RAP1GDS1: variants seen among roughly 807,000 people sequenced by gnomAD.
RAP1GDS1 encodes Rap1 GTPase-GDP dissociation stimulator 1.
RAP1GDS1 carries 35 observed loss-of-function variants against 71.1 expected under a neutral mutation model. The ratio of observed to expected loss-of-function variants is 0.49; its 90% CI spans 0.38 to 0.65. The LOEUF (loss-of-function observed/expected upper bound fraction) is 0.65. Ranked by LOEUF, RAP1GDS1 falls within the 30% of genes least tolerant of loss-of-function variation. The pLI is 0.00. For synonymous variants in RAP1GDS1, 229 were observed against 243.1 expected, an observed-to-expected ratio of 0.94 and a Z score of 0.54; for missense variants, 663 against 706.1, an observed-to-expected ratio of 0.94 and a Z score of 0.69.
At chr4:98,284,897 A>G (rs1725752434) in intron 1 of RAP1GDS1, among the ~76,000 whole-genome samples, 1 of 152,134 alleles carries the variant, frequency 6.6e-6, no homozygotes, top group Non-Finnish European at 1.5e-5. Flanking sequence ...CATGTGAGTG[A>G]ATGAACTGTT....
intron 5 of RAP1GDS1, among the ~76,000 whole-genome samples, chr4:98,384,256 T>G (rs1213327456): frequency 1.3e-5 from 2 of 151,602 alleles, no homozygotes; most frequent in Admixed American, 6.6e-5. Flanking sequence ...AGTTTGTCAC[T>G]TTTTACTCCA....
intron 5 of RAP1GDS1, among the ~76,000 whole-genome samples, chr4:98,385,903 G>A (rs984933348): frequency 6.6e-6 from 1 of 151,580 alleles, no homozygotes; most frequent in Non-Finnish European, 1.5e-5. Context: ...AATTAATTTG[G>A]CATTAGCTTA....
chr4:98,417,517 C>A lies in RAP1GDS1; in HGVS notation c.1039+19C>A. The A allele has an allele frequency of 6.2e-7, 1 of 1,609,126 alleles. No homozygotes were observed. Among genetic ancestry groups the A allele is most frequent in the South Asian group, 1.1e-5 (1 of 90,768 alleles). ...AGAAATGGTAAGCATATTAGTTCCT[C>A]CTTTGTTAGTCAAATACTCTATATT... On this transcript the variant is annotated intron_variant, in intron 9 of 14. Transcript: ENST00000408927.
rs558972709 is a variant in RAP1GDS1, at chr4:98,331,679, A to G, written c.113-11460A>G. Among the ~76,000 whole-genome samples, 13 of 152,312 alleles carry G rather than the reference A, an allele frequency of 8.5e-5. No homozygotes were observed. In the South Asian group the frequency reaches 2.1e-3, roughly 24 times the overall value. On this transcript the variant is annotated intron_variant, in intron 2 of 14. Transcript: ENST00000408927. ...CAATGTTTCTTATTCAATTTATCCAATAACCCTAATCACTTAATATCTCTA... is the reference window on the plus strand; with the variant it reads ...CAATGTTTCTTATTCAATTTATCCAGTAACCCTAATCACTTAATATCTCTA...
In RAP1GDS1 at chr4:98,387,736, G is replaced by T. The variant is rs147301231; in HGVS notation, c.509-4216G>T. ...CTTCGGACATTTATGACATTGTGCT[G>T]TCTAAAGACTGTCTTTCACACATAA... On this transcript the variant is annotated intron_variant, in intron 5 of 14. Coordinates refer to ENST00000408927, the MANE Select transcript of RAP1GDS1 (RefSeq NM_001100427.2). 7.9e-4 allele frequency among the ~76,000 whole-genome samples: 121 copies of T among 152,290 alleles called. 2 individuals are homozygous for T. The East Asian group carries it at 0.018, about 23-fold the overall frequency.
At chr4:98,359,694 A>G (rs1294959845) in intron 4 of RAP1GDS1, among the ~76,000 whole-genome samples, 1 of 152,140 alleles carries the variant, frequency 6.6e-6, no homozygotes, top group Admixed American at 6.6e-5. Context: ...TAGGCTAAGG[A>G]ATTATTTTGA....
intron 1 of RAP1GDS1, among the ~76,000 whole-genome samples, chr4:98,278,056 G>A (rs893728870): frequency 1.3e-5 from 2 of 152,142 alleles, no homozygotes; most frequent in Non-Finnish European, 2.9e-5. Flanking sequence ...GCTACTAAAA[G>A]TACAAAAATT....
intron 2 of RAP1GDS1, among the ~76,000 whole-genome samples, chr4:98,324,545 A>G (rs1239404211): frequency 1.4e-4 from 21 of 146,356 alleles, no homozygotes; most frequent in Non-Finnish European, 5.9e-5. Context: ...AGTAACCAAA[A>G]CAGCATGGTA....
At chr4:98,264,500 A>G (rs559505810) in intron 1 of RAP1GDS1, among the ~76,000 whole-genome samples, 3 of 152,330 alleles carry the variant, frequency 2.0e-5, no homozygotes, top group South Asian at 4.1e-4. Flanking sequence ...TTTTATGTAT[A>G]TGTCATATTT....
At chr4:98,266,638 ATAGATGC>A (rs1485678084) in intron 1 of RAP1GDS1, among the ~76,000 whole-genome samples, 1 of 152,206 alleles carries the variant, frequency 6.6e-6, no homozygotes, top group African/African-American at 2.4e-5. Context: ...TCAAAAAAGC[ATAGATGC>A]TAGCTTGGTA....
At chr4:98,308,224 A>T (rs1729633066) in intron 2 of RAP1GDS1, among the ~76,000 whole-genome samples, 1 of 148,182 alleles carries the variant, frequency 6.7e-6, no homozygotes, top group Admixed American at 6.8e-5. Context: ...AGGTATATAC[A>T]TATATGTGCA....
At position 98,404,578 on chromosome 4, in the gene RAP1GDS1, G is replaced by T; in HGVS notation, c.739G>T (p.Val247Phe). Residue 247 changes from valine to phenylalanine, a missense_variant, in exon 7 of 15, where the codon GTT becomes TTT. Coordinates refer to ENST00000408927, the MANE Select transcript of RAP1GDS1 (RefSeq NM_001100427.2). ...EHDKREMIFE[V>F]LAPLAENDAI... ...TGATAAGAGAGAAATGATTTTTGAAGTTCTTGCTCCATTGGCAGAAAATGG... is the reference window on the plus strand; with the variant it reads ...TGATAAGAGAGAAATGATTTTTGAATTTCTTGCTCCATTGGCAGAAAATGG... 6.2e-7 allele frequency: 1 copy of T among 1,601,908 alleles called. No individual in the cohort carries two copies. Among genetic ancestry groups the T allele is most frequent in the Non-Finnish European group, 8.5e-7 (1 of 1,175,764 alleles).
intron 4 of RAP1GDS1, among the ~76,000 whole-genome samples, chr4:98,359,599 A>T (rs570348015): frequency 6.6e-6 from 1 of 152,308 alleles, no homozygotes; most frequent in East Asian, 1.9e-4. Flanking sequence ...ACGATTTTTT[A>T]AAATAGCCAA....
intron 3 of RAP1GDS1, among the ~76,000 whole-genome samples, chr4:98,343,790 T>C (rs938333334): frequency 3.9e-5 from 6 of 152,196 alleles, no homozygotes; most frequent in African/African-American, 1.4e-4. Context: ...GTTTAGATTG[T>C]GTACTATTTA....
At chr4:98,393,912 C>T (rs139412981) in intron 6 of RAP1GDS1, among the ~76,000 whole-genome samples, 1,679 of 152,088 alleles carry the variant, frequency 0.011, 36 homozygotes, top group African/African-American at 0.038. Flanking sequence ...ACTAGAAAAT[C>T]TAAAATTATA....
At chr4:98,308,297 C>A (rs866214338) in intron 2 of RAP1GDS1, among the ~76,000 whole-genome samples, 34 of 73,196 alleles carry the variant, frequency 4.6e-4, no homozygotes, top group South Asian at 1.8e-3. Context: ...CACACACACA[C>A]TATATATATA....
At chr4:98,439,411 T>A (rs1751601396) in intron 14 of RAP1GDS1, among the ~76,000 whole-genome samples, 1 of 152,224 alleles carries the variant, frequency 6.6e-6, no homozygotes, top group Admixed American at 6.5e-5. Flanking sequence ...TTTGGGTTTA[T>A]CCTGTTTGAG....
At chr4:98,350,283 T>G (rs1736972676) in intron 3 of RAP1GDS1, among the ~76,000 whole-genome samples, 1 of 152,206 alleles carries the variant, frequency 6.6e-6, no homozygotes, top group Admixed American at 6.5e-5. Flanking sequence ...TGAGTACAAA[T>G]CAGACCGTTC....
chr4:98,407,610 T>C (rs1746323251), intron 7 of RAP1GDS1, among the ~76,000 whole-genome samples: 1 of 152,144 alleles, frequency 6.6e-6, no homozygotes, highest in South Asian at 2.1e-4. Context: ...TTCTCACAAG[T>C]GGCAGCTACG....
Sources: allele counts gnomAD v4.1 joint callset (sites outside exome capture counted in the v4.1 genomes callset), GRCh38; gene constraint gnomAD v4.1.1; transcripts MANE v1.5; gene names NCBI Gene and HGNC (gene_info 2026-07-23, HGNC 2026-07-21).